Variants in CALN1 observed in about 807,000 individuals in gnomAD.
CALN1 encodes the protein calneuron 1, also known as calcium-binding protein 8.
CALN1 carries 17 observed loss-of-function variants against 30.6 expected under a neutral mutation model. That is an observed-to-expected ratio of 0.56 (90% CI 0.38 to 0.83). The LOEUF (loss-of-function observed/expected upper bound fraction) is 0.83, where lower values mean the gene tolerates loss of function less well. CALN1 is among the 40% of genes least tolerant of loss of function. The pLI is 0.00. For missense variants in CALN1, 291 were observed against 354.9 expected (o/e 0.82, Z 1.45); for synonymous variants, 156 against 131.4 (o/e 1.19, Z -1.28).
the CALN1 span, among the ~76,000 whole-genome samples, chr7:72,474,049 G>A: frequency 1.3e-5 from 2 of 152,072 alleles, no homozygotes; most frequent in South Asian, 2.1e-4. Context: ...GGTTGGATAC[G>A]AAACTAGTTA....
At chr7:72,222,799 C>T (rs138401521) in intron 3 of CALN1, among the ~76,000 whole-genome samples, 1,689 of 152,272 alleles carry the variant, frequency 0.011, 18 homozygotes, top group Non-Finnish European at 0.019. Context: ...AGGGCAAGGA[C>T]TGCTTAAGCC....
chr7:72,121,477 T>C (rs1232386036), intron 3 of CALN1, among the ~76,000 whole-genome samples: 1 of 147,496 alleles, frequency 6.8e-6, no homozygotes, highest in Non-Finnish European at 1.5e-5. Flanking sequence ...TATAGATATA[T>C]AATTATGTTA....
At chr7:72,311,888 TC>T (rs1800080999) in intron 2 of CALN1, among the ~76,000 whole-genome samples, 1 of 151,628 alleles carries the variant, frequency 6.6e-6, no homozygotes, top group Non-Finnish European at 1.5e-5. Context: ...ATAGGAATGA[TC>T]CAAAGAAACA....
chr7:72,081,417 G>GTGTGTGTGTGTCTGTGTGTGTGTC (rs145997789), intron 4 of CALN1, among the ~76,000 whole-genome samples: 1 of 146,190 alleles, frequency 6.8e-6, no homozygotes, highest in Non-Finnish European at 1.5e-5. Flanking sequence ...GTGTGTGTGT[G>GTGTGTGTGTGTCTGTGTGTGTGTC]TGTGTGTTTG....
At chr7:71,956,596 G>A (rs1370077877) in intron 5 of CALN1, among the ~76,000 whole-genome samples, 1 of 151,848 alleles carries the variant, frequency 6.6e-6, no homozygotes, top group African/African-American at 2.4e-5. Context: ...CAAAGTGCTG[G>A]GATTACAGGG....
intron 5 of CALN1, among the ~76,000 whole-genome samples, chr7:71,852,193 T>A (rs1228130294): frequency 6.6e-6 from 1 of 152,208 alleles, no homozygotes; most frequent in East Asian, 1.9e-4. Flanking sequence ...TTGATTGACA[T>A]TTGGTTGTGT....
chr7:71,799,029 C>T (rs1446017211), intron 6 of CALN1, among the ~76,000 whole-genome samples: 1 of 152,118 alleles, frequency 6.6e-6, no homozygotes, highest in Non-Finnish European at 1.5e-5. Flanking sequence ...TTGGTTCCTG[C>T]TCCATGAAGA....
intron 5 of CALN1, among the ~76,000 whole-genome samples, chr7:71,853,215 T>C (rs1393709817): frequency 6.6e-6 from 1 of 152,162 alleles, no homozygotes; most frequent in Non-Finnish European, 1.5e-5. Flanking sequence ...GTGCTGGGAT[T>C]ACAGGCATGA....
intron 4 of CALN1, among the ~76,000 whole-genome samples, chr7:72,088,181 T>G (rs572393434): frequency 2.0e-5 from 3 of 151,524 alleles, no homozygotes; most frequent in Non-Finnish European, 4.4e-5. Context: ...AAACTGAGAG[T>G]GTGAATCATA....
At chr7:72,500,505 C>T in the CALN1 span, among the ~76,000 whole-genome samples, 3 of 151,540 alleles carry the variant, frequency 2.0e-5, no homozygotes, top group African/African-American at 7.3e-5. Flanking sequence ...GTCTCAAACT[C>T]CTAACCTCAA....
intron 5 of CALN1, among the ~76,000 whole-genome samples, chr7:71,882,920 G>A (rs1211117769): frequency 6.7e-6 from 1 of 148,378 alleles, no homozygotes. Context: ...TCATTATGTT[G>A]CCCAGGCTGG....
chr7:71,867,594 C>T (rs1791664454), intron 5 of CALN1, among the ~76,000 whole-genome samples: 1 of 152,062 alleles, frequency 6.6e-6, no homozygotes, highest in African/African-American at 2.4e-5. Flanking sequence ...GCCACCATGC[C>T]CAGCTAATTT....
At chr7:71,857,696 C>A (rs763348791) in intron 5 of CALN1, among the ~76,000 whole-genome samples, 6 of 152,136 alleles carry the variant, frequency 3.9e-5, no homozygotes, top group African/African-American at 1.4e-4. Context: ...AAGGGCTCTG[C>A]GATCCTTCAT....
rs202133627 is a variant in CALN1 at position 72,216,423 on chromosome 7, AC to A, written c.244+62262del. On this transcript the variant is annotated intron_variant, in intron 3 of 6. Transcript: ENST00000395275. The stretch of plus-strand genomic sequence containing the variant: ...CAAGACCCTATGTCTTTAAAAAAAA[AC>A]ATTAAAGATAAATAAATACATATAT... Among the ~76,000 whole-genome samples the A allele has an allele frequency of 6.5e-4, 98 of 151,676 alleles. 1 individual carries two copies. Among genetic ancestry groups the A allele is most frequent in the Middle Eastern group, 3.4e-3 (1 of 294 alleles).
chr7:72,165,619 C>T (rs1788466562), intron 3 of CALN1, among the ~76,000 whole-genome samples: 1 of 151,788 alleles, frequency 6.6e-6, no homozygotes, highest in African/African-American at 2.4e-5. Flanking sequence ...AACAAGCAAA[C>T]AAAGAAAAGC....
upstream of CALN1, among the ~76,000 whole-genome samples, chr7:72,449,874 CAAAAAAAA>C (rs71069071): frequency 8.9e-3 from 465 of 52,388 alleles, 4 homozygotes; most frequent in African/African-American, 0.021. Flanking sequence ...GACTCCGTCT[CAAAAAAAA>C]AAAAAAAAAA....
chr7:71,868,837 T>C (rs1791751731), intron 5 of CALN1, among the ~76,000 whole-genome samples: 1 of 152,086 alleles, frequency 6.6e-6, no homozygotes, highest in African/African-American at 2.4e-5. Flanking sequence ...TTTGCCCTAT[T>C]AATAGTAAAA....
chr7:72,243,780 G>A (rs1375767413), intron 3 of CALN1, among the ~76,000 whole-genome samples: 4 of 152,180 alleles, frequency 2.6e-5, no homozygotes, highest in Admixed American at 6.5e-5. Flanking sequence ...TCACTGGCCC[G>A]AAGGAAAGAA....
At chr7:72,323,836 G>C (rs1465241084) in intron 2 of CALN1, among the ~76,000 whole-genome samples, 1 of 152,036 alleles carries the variant, frequency 6.6e-6, no homozygotes, top group Non-Finnish European at 1.5e-5. Flanking sequence ...TTGAGTCCAA[G>C]ATTTTGAGAC....
Sources: gnomAD v4.1 joint callset for allele counts (sites outside exome capture counted in the v4.1 genomes callset) on GRCh38, gnomAD v4.1.1 for gene constraint, MANE v1.5 for transcripts, NCBI Gene and HGNC (gene_info 2026-07-23, HGNC 2026-07-21) for gene names.